SLC14A2: variants seen among roughly 807,000 people sequenced by gnomAD.
SLC14A2 encodes the protein urea transporter 2.
In SLC14A2, 91 loss-of-function variants were observed where a neutral mutation model predicts 104.6. The ratio of observed to expected loss-of-function variants is 0.87; its 90% CI spans 0.73 to 1.04. The LOEUF (loss-of-function observed/expected upper bound fraction) is 1.04, where lower values mean the gene tolerates loss of function less well. SLC14A2 is among the 50% of genes least tolerant of loss of function. The probability of loss-of-function intolerance (pLI) is 0.00; values close to 1 mark genes in which losing one functional copy is unlikely to be tolerated. For synonymous variants in SLC14A2, 476 were observed against 466.4 expected, an observed-to-expected ratio of 1.02 and a Z score of -0.27; for missense variants, 1,189 against 1,156.0, an observed-to-expected ratio of 1.03 and a Z score of -0.41.
At chr18:45,460,910 C>A (rs2087033970) in intron 1 of SLC14A2, among the ~76,000 whole-genome samples, 1 of 152,086 alleles carries the variant, frequency 6.6e-6, no homozygotes, top group Non-Finnish European at 1.5e-5. Context: ...TTTGACTCAC[C>A]TTTATTTGAC....
intron 2 of SLC14A2, among the ~76,000 whole-genome samples, chr18:45,544,691 A>G (rs12604680): frequency 0.014 from 2,140 of 152,052 alleles, 37 homozygotes; most frequent in South Asian, 0.066. Context: ...TAGCTTTTAT[A>G]AAAATGATAT....
intron 2 of SLC14A2, among the ~76,000 whole-genome samples, chr18:45,565,861 C>G (rs745638614): frequency 1.1e-4 from 16 of 152,162 alleles, no homozygotes; most frequent in African/African-American, 1.4e-4. Flanking sequence ...TAAATCATCC[C>G]AGGCAGCCCT....
chr18:45,261,968 C>T (rs916480776), intron 1 of SLC14A2, among the ~76,000 whole-genome samples: 2 of 152,162 alleles, frequency 1.3e-5, no homozygotes, highest in African/African-American at 4.8e-5. Flanking sequence ...TTCTAGATCC[C>T]TGAGGAATCG....
intron 1 of SLC14A2, among the ~76,000 whole-genome samples, chr18:45,323,705 C>T (rs1388386345): frequency 6.6e-6 from 1 of 152,164 alleles, no homozygotes; most frequent in Non-Finnish European, 1.5e-5. Flanking sequence ...CCCACAGCAT[C>T]CTAGCACTTC....
intron 1 of SLC14A2, among the ~76,000 whole-genome samples, chr18:45,250,707 G>A (rs931207098): frequency 3.5e-5 from 5 of 142,302 alleles, no homozygotes; most frequent in African/African-American, 8.0e-5. Flanking sequence ...AGGGCTGAAT[G>A]TTCCTGTACT....
the SLC14A2 span, among the ~76,000 whole-genome samples, chr18:45,204,365 T>G: frequency 6.6e-6 from 1 of 152,204 alleles, no homozygotes; most frequent in Non-Finnish European, 1.5e-5. Flanking sequence ...TCTACTTGAT[T>G]GTCTGTTCCA....
At position 45,374,034 on chromosome 18, in the gene SLC14A2, A is replaced by T. The variant is rs192370259; in HGVS notation, c.-124-109199A>T. On this transcript the variant is annotated intron_variant, in intron 1 of 20. Transcript: ENST00000586448. The stretch of plus-strand genomic sequence containing the variant: ...ATCTCTATTTCACATTAGCCATCTG[A>T]TCATGACAACCTCAAGACCTTCTCA... Among the ~76,000 whole-genome samples the T allele has an allele frequency of 1.3e-4, 20 of 152,332 alleles. No individual in the cohort carries two copies. The East Asian group carries it at 3.7e-3, about 28-fold the overall frequency.
At chr18:45,367,363 A>G (rs1015685041) in intron 1 of SLC14A2, among the ~76,000 whole-genome samples, 3 of 152,194 alleles carry the variant, frequency 2.0e-5, no homozygotes, top group Admixed American at 6.5e-5. Flanking sequence ...TTGCCTCCTT[A>G]TATCTTTCTC....
At chr18:45,201,926 C>G in the SLC14A2 span, among the ~76,000 whole-genome samples, 2 of 152,092 alleles carry the variant, frequency 1.3e-5, no homozygotes, top group Non-Finnish European at 2.9e-5. Flanking sequence ...CACAGAATTT[C>G]ACCCTTAATT....
intron 2 of SLC14A2, chr18:45,492,136 C>T (rs900102996): frequency 2.0e-5 from 3 of 152,194 alleles, no homozygotes; most frequent in African/African-American, 7.2e-5. Context: ...CCTGGTAAGA[C>T]ACAAGAAGAA....
chr18:45,533,146 G>C (rs1487925848), intron 2 of SLC14A2, among the ~76,000 whole-genome samples: 2 of 152,162 alleles, frequency 1.3e-5, no homozygotes, highest in Non-Finnish European at 2.9e-5. Context: ...CAAGGATATT[G>C]GTCTAAAATT....
chr18:45,373,764 T>C (rs989870944), intron 1 of SLC14A2, among the ~76,000 whole-genome samples: 3 of 152,218 alleles, frequency 2.0e-5, no homozygotes, highest in Non-Finnish European at 4.4e-5. Flanking sequence ...TGTGATCACA[T>C]ACCAGCTCAG....
intron 1 of SLC14A2, among the ~76,000 whole-genome samples, chr18:45,326,808 G>T (rs1318805081): frequency 6.6e-6 from 1 of 152,158 alleles, no homozygotes; most frequent in Non-Finnish European, 1.5e-5. Flanking sequence ...TTCCTGTCCA[G>T]GAGTAGGAAG....
In SLC14A2 at chr18:45,544,157, G is replaced by C. The variant is rs547948209; in HGVS notation, c.-35+60835G>C. Among the ~76,000 whole-genome samples the C allele has an allele frequency of 2.6e-5, 4 of 152,288 alleles. No homozygotes were observed. In the South Asian group the frequency reaches 8.3e-4, roughly 32 times the overall value. On this transcript the variant is annotated intron_variant, in intron 2 of 20. Transcript: ENST00000586448. Reference sequence around the variant, plus strand: ...TATCCTTTAGCTGTAATAAATCTTAGCAATGAGTATGATAGTATACTGAGT... The same window carrying C: ...TATCCTTTAGCTGTAATAAATCTTACCAATGAGTATGATAGTATACTGAGT...
intron 8 of SLC14A2, 124 bp downstream of exon 8, chr18:45,641,467 C>A (rs529770460): frequency 3.7e-6 from 4 of 1,079,688 alleles, no homozygotes; most frequent in African/African-American, 1.5e-5. Flanking sequence ...CAATGGCTTG[C>A]GTCCTAATGC....
chr18:45,675,710 T>TATA (rs1555639293), intron 18 of SLC14A2, among the ~76,000 whole-genome samples: 497 of 46,100 alleles, frequency 0.011, 2 homozygotes, highest in African/African-American at 0.025. Context: ...TATATATATA[T>TATA]TTTTTTTTTT....
chr18:45,315,485 G>C (rs796162353), intron 1 of SLC14A2, among the ~76,000 whole-genome samples: 20 of 152,278 alleles, frequency 1.3e-4, no homozygotes, highest in Admixed American at 5.2e-4. Flanking sequence ...TCACAGGTTA[G>C]ACAGTGAGCA....
At chr18:45,385,119 A>G (rs910633576) in intron 1 of SLC14A2, among the ~76,000 whole-genome samples, 3 of 152,254 alleles carry the variant, frequency 2.0e-5, no homozygotes, top group African/African-American at 7.2e-5. Context: ...GCTCCAATGC[A>G]CTAAGTGGGC....
At chr18:45,644,749 G>A (rs376515703) in intron 10 of SLC14A2, among the ~76,000 whole-genome samples, 11 of 152,132 alleles carry the variant, frequency 7.2e-5, no homozygotes, top group Non-Finnish European at 4.4e-5. Flanking sequence ...GGGGCAAGGC[G>A]ATATTCCATA....
Sources: gnomAD v4.1 joint callset for allele counts (sites outside exome capture counted in the v4.1 genomes callset) on GRCh38, gnomAD v4.1.1 for gene constraint, MANE v1.5 for transcripts, NCBI Gene and HGNC (gene_info 2026-07-23, HGNC 2026-07-21) for gene names.